The following CDH18 variants were observed in gnomAD, a reference collection of about 807,000 sequenced individuals.
CDH18 encodes cadherin 18, also known as cadherin-18.
CDH18 carries 31 observed loss-of-function variants against 67.9 expected under a neutral mutation model. The observed-to-expected ratio is 0.46, with a 90% CI of 0.34 to 0.62. CDH18 has a LOEUF of 0.62. Ranked by LOEUF, CDH18 falls within the 20% of genes least tolerant of loss-of-function variation. CDH18 has a pLI of 0.01. For missense variants in CDH18, 890 were observed against 975.5 expected, an observed-to-expected ratio of 0.91 and a Z score of 1.17; for synonymous variants, 362 against 347.2, an observed-to-expected ratio of 1.04 and a Z score of -0.48.
At chr5:20,192,907 T>C (rs2202796) in intron 2 of CDH18, among the ~76,000 whole-genome samples, 76,933 of 152,000 alleles carry the variant, frequency 0.51, 19,931 homozygotes, top group Middle Eastern at 0.65. Context: ...GGTAGTTTGA[T>C]GGGAATAGCA....
Position 20,455,702 on chromosome 5 carries a change from C to T in CDH18, c.-580+119760G>A, listed in dbSNP as rs1268791402. 1.3e-5 allele frequency among the ~76,000 whole-genome samples: 2 copies of T among 151,722 alleles called. 1 individual carries two copies. Among genetic ancestry groups the T allele is most frequent in the Admixed American group, 1.3e-4 (2 of 15,220 alleles). ...TCTAATAGATTTTATACAAATATAA[C>T]TTTTTTATATTTATGATACTAAAAT... On this transcript the variant is annotated intron_variant, in intron 1 of 14. Transcript: ENST00000507958.
At chr5:20,248,135 G>A (rs1388388308) in intron 2 of CDH18, among the ~76,000 whole-genome samples, 1 of 152,090 alleles carries the variant, frequency 6.6e-6, no homozygotes, top group African/African-American at 2.4e-5. Context: ...CTCATAGAAG[G>A]TTACTTTTCA....
intron 2 of CDH18, among the ~76,000 whole-genome samples, chr5:20,136,897 A>C (rs1315891903): frequency 6.6e-6 from 1 of 152,160 alleles, no homozygotes; most frequent in East Asian, 1.9e-4. Context: ...TCTTTTCTTT[A>C]AGAATGTTGA....
chr5:20,272,314 T>C (rs1009440236), intron 1 of CDH18, among the ~76,000 whole-genome samples: 8 of 152,068 alleles, frequency 5.3e-5, no homozygotes, highest in African/African-American at 1.9e-4. Flanking sequence ...GGTTCAATGA[T>C]GTGGGCTTAA....
chr5:20,003,646 G>A (rs1736630684), intron 2 of CDH18, among the ~76,000 whole-genome samples: 1 of 152,104 alleles, frequency 6.6e-6, no homozygotes, highest in Non-Finnish European at 1.5e-5. Flanking sequence ...TGTAATCCCA[G>A]CACTTTGGGA....
At chr5:19,772,800 C>A (rs1209046177) in intron 3 of CDH18, among the ~76,000 whole-genome samples, 2 of 152,120 alleles carry the variant, frequency 1.3e-5, no homozygotes, top group Admixed American at 1.3e-4. Context: ...AGCCTGGGCT[C>A]TTATAATTTA....
At chr5:19,605,074 C>T (rs1011067710) in intron 6 of CDH18, among the ~76,000 whole-genome samples, 2 of 151,796 alleles carry the variant, frequency 1.3e-5, no homozygotes, top group Non-Finnish European at 2.9e-5. Flanking sequence ...AACATACCTA[C>T]CTAAACAAAA....
At chr5:19,738,690 AAAGT>A (rs1174708124) in intron 4 of CDH18, among the ~76,000 whole-genome samples, 1 of 152,180 alleles carries the variant, frequency 6.6e-6, no homozygotes, top group Non-Finnish European at 1.5e-5. Flanking sequence ...ACATTCATAA[AAAGT>A]AAGTGGTAAG....
chr5:19,907,843 A>G (rs1790693544), intron 2 of CDH18, among the ~76,000 whole-genome samples: 1 of 152,078 alleles, frequency 6.6e-6, no homozygotes. Context: ...TGATCTTTAC[A>G]AACATAATTT....
At chr5:19,921,944 G>A (rs1485247818) in intron 2 of CDH18, among the ~76,000 whole-genome samples, 1 of 151,346 alleles carries the variant, frequency 6.6e-6, no homozygotes, top group African/African-American at 2.4e-5. Flanking sequence ...ATTCTAAATC[G>A]AAAACCTTTG....
At chr5:20,297,811 T>C (rs1321240482) in intron 1 of CDH18, among the ~76,000 whole-genome samples, 2 of 152,348 alleles carry the variant, frequency 1.3e-5, no homozygotes, top group Non-Finnish European at 2.9e-5. Context: ...GCTGAGGTTG[T>C]ACTTCATATT....
chr5:19,994,250 C>CACATATATACACATATATGTAT (rs1240039373), intron 2 of CDH18, among the ~76,000 whole-genome samples: 1,796 of 139,278 alleles, frequency 0.013, 286 homozygotes, highest in African/African-American at 0.042. Context: ...CACACATATA[C>CACATATATACACATATATGTAT]ACATATATAC....
chr5:20,373,957 G>A (rs1743213115), intron 1 of CDH18, among the ~76,000 whole-genome samples: 1 of 152,060 alleles, frequency 6.6e-6, no homozygotes, highest in Non-Finnish European at 1.5e-5. Flanking sequence ...AGTGATTACT[G>A]AATTTGAGAC....
At chr5:20,470,523 T>C (rs150337325) in intron 1 of CDH18, among the ~76,000 whole-genome samples, 1 of 152,286 alleles carries the variant, frequency 6.6e-6, no homozygotes, top group East Asian at 1.9e-4. Context: ...CCATACTCAC[T>C]TTTAGTTAAT....
At chr5:19,901,638 T>C (rs752813023) in intron 2 of CDH18, among the ~76,000 whole-genome samples, 18 of 152,052 alleles carry the variant, frequency 1.2e-4, no homozygotes, top group Non-Finnish European at 2.5e-4. Context: ...ACATAGGCAT[T>C]AAAATATCTA....
chr5:20,426,145 C>G (rs1037177361), intron 1 of CDH18, among the ~76,000 whole-genome samples: 1 of 151,112 alleles, frequency 6.6e-6, no homozygotes, highest in African/African-American at 2.5e-5. Flanking sequence ...GTGACCTTGG[C>G]CAAGTTACAT....
At chr5:20,005,255 C>G (rs1736792493) in intron 2 of CDH18, among the ~76,000 whole-genome samples, 1 of 152,036 alleles carries the variant, frequency 6.6e-6, no homozygotes, top group Non-Finnish European at 1.5e-5. Context: ...TACTAGAAGA[C>G]AGCGCAGAGC....
intron 1 of CDH18, among the ~76,000 whole-genome samples, chr5:20,550,875 G>C (rs62354280): frequency 0.027 from 4,152 of 152,228 alleles, 96 homozygotes; most frequent in African/African-American, 0.064. Context: ...TTCCAATCAT[G>C]GCAGAAGTCA....
At chr5:20,569,251 A>G (rs1581214094) in intron 1 of CDH18, among the ~76,000 whole-genome samples, 1 of 152,314 alleles carries the variant, frequency 6.6e-6, no homozygotes, top group Non-Finnish European at 1.5e-5. Flanking sequence ...AGGAAAAGAA[A>G]GTCAGAGACA....
Sources: gnomAD v4.1 joint callset for allele counts (sites outside exome capture counted in the v4.1 genomes callset) on GRCh38, gnomAD v4.1.1 for gene constraint, MANE v1.5 for transcripts, NCBI Gene and HGNC (gene_info 2026-07-23, HGNC 2026-07-21) for gene names.